The following TAFA2 variants were observed in gnomAD, a reference collection of about 807,000 sequenced individuals.
TAFA2 encodes the protein TAFA chemokine like family member 2.
Under a neutral mutation model 18.8 loss-of-function variants are expected in TAFA2, and 7 were observed. The observed-to-expected ratio is 0.37, with a 90% CI of 0.21 to 0.70. The LOEUF (loss-of-function observed/expected upper bound fraction) is 0.70, where lower values mean the gene tolerates loss of function less well. TAFA2 is among the 30% of genes least tolerant of loss of function. The pLI is 0.53. For synonymous variants in TAFA2, 60 were observed against 54.2 expected, an observed-to-expected ratio of 1.11 and a Z score of -0.47; for missense variants, 122 against 158.1, an observed-to-expected ratio of 0.77 and a Z score of 1.23.
Position 61,757,938 on chromosome 12 carries a change from G to A in TAFA2, c.107-2914C>T, listed in dbSNP as rs569751028. ...TCCTTCTAGTAACTACTTGATCTTG[G>A]TACGTTATCTATTATGCATGGGCAG... On this transcript the variant is annotated intron_variant, in intron 2 of 4. Coordinates refer to ENST00000416284, the MANE Select transcript of TAFA2 (RefSeq NM_178539.5). Among the ~76,000 whole-genome samples, 3 of 152,100 alleles carry A rather than the reference G, an allele frequency of 2.0e-5. No homozygotes were observed. The South Asian group carries it at 6.2e-4, about 32-fold the overall frequency.
chr12:62,164,481 C>T (rs1438223641), intron 1 of TAFA2, among the ~76,000 whole-genome samples: 1 of 152,028 alleles, frequency 6.6e-6, no homozygotes, highest in Admixed American at 6.6e-5. Flanking sequence ...TGCTACTTCC[C>T]GTGGGCATTT....
At chr12:61,793,461 A>T (rs1402455545) in intron 2 of TAFA2, among the ~76,000 whole-genome samples, 2 of 151,612 alleles carry the variant, frequency 1.3e-5, no homozygotes, top group Admixed American at 6.6e-5. Context: ...AAGGGAAAAA[A>T]TTAAAAAGTT....
chr12:61,908,551 G>T (rs149307016), intron 1 of TAFA2, among the ~76,000 whole-genome samples: 18 of 152,032 alleles, frequency 1.2e-4, no homozygotes, highest in African/African-American at 3.9e-4. Flanking sequence ...GCATGAGAAC[G>T]GACTAATACA....
intron 2 of TAFA2, among the ~76,000 whole-genome samples, chr12:61,826,669 G>A (rs999666978): frequency 6.6e-6 from 1 of 151,966 alleles, no homozygotes; most frequent in Non-Finnish European, 1.5e-5. Context: ...TAAATGCAAA[G>A]TGTAATCCTC....
intron 2 of TAFA2, among the ~76,000 whole-genome samples, chr12:61,863,689 C>T (rs145206895): frequency 7.8e-4 from 118 of 152,250 alleles, no homozygotes; most frequent in African/African-American, 2.6e-3. Flanking sequence ...TGCAGTAGAA[C>T]GTAGCTGCTG....
At chr12:61,915,956 A>C (rs1876805607) in intron 1 of TAFA2, among the ~76,000 whole-genome samples, 1 of 152,258 alleles carries the variant, frequency 6.6e-6, no homozygotes, top group African/African-American at 2.4e-5. Context: ...AGTGTGACAC[A>C]TAAAATCAAC....
intron 1 of TAFA2, among the ~76,000 whole-genome samples, chr12:62,181,265 T>C (rs543439503): frequency 6.6e-6 from 1 of 152,288 alleles, no homozygotes; most frequent in South Asian, 2.1e-4. Context: ...AGCTACACTC[T>C]ATCAATTTGT....
intron 4 of TAFA2, among the ~76,000 whole-genome samples, chr12:61,744,643 C>T (rs985792139): frequency 4.6e-5 from 7 of 152,054 alleles, no homozygotes; most frequent in Non-Finnish European, 8.8e-5. Flanking sequence ...CAGCCTCAAC[C>T]TCCTAGGATC....
At chr12:61,920,816 A>G (rs942177175) in intron 1 of TAFA2, among the ~76,000 whole-genome samples, 3 of 152,164 alleles carry the variant, frequency 2.0e-5, no homozygotes, top group South Asian at 2.1e-4. Flanking sequence ...AATAAACTAT[A>G]TAGAATATCA....
At chr12:61,902,989 C>T (rs929283323) in intron 1 of TAFA2, among the ~76,000 whole-genome samples, 2 of 152,106 alleles carry the variant, frequency 1.3e-5, no homozygotes, top group Non-Finnish European at 2.9e-5. Context: ...TTAAATCCAT[C>T]CGCTTTTTTA....
chr12:62,137,731 T>C (rs1388525207), intron 1 of TAFA2, among the ~76,000 whole-genome samples: 9 of 151,966 alleles, frequency 5.9e-5, no homozygotes, highest in African/African-American at 2.2e-4. Flanking sequence ...TCACTAGTCC[T>C]GCAGCTTCCT....
chr12:62,182,432 C>T (rs1179221121), intron 1 of TAFA2, among the ~76,000 whole-genome samples: 5 of 152,114 alleles, frequency 3.3e-5, no homozygotes, highest in African/African-American at 4.8e-5. Context: ...CCCACCTTTT[C>T]GAATGTGCAG....
chr12:61,735,879 A>T lies in TAFA2; in HGVS notation c.384+17743T>A, dbSNP rs1008666669. Among the ~76,000 whole-genome samples the T allele has an allele frequency of 1.2e-4, 18 of 151,982 alleles. 1 individual carries two copies. Among genetic ancestry groups the T allele is most frequent in the Admixed American group, 1.1e-3 (16 of 15,216 alleles). Reference sequence around the variant, plus strand: ...CAAAATTATTTGTGGAGTGATTGTGAGACTGGGGCCATAATCTTTCCAGAG... The same window carrying T: ...CAAAATTATTTGTGGAGTGATTGTGTGACTGGGGCCATAATCTTTCCAGAG... On this transcript the variant is annotated intron_variant, in intron 4 of 4. Transcript: ENST00000416284.
chr12:62,211,077 T>C (rs936341009), intron 1 of TAFA2, among the ~76,000 whole-genome samples: 1 of 152,190 alleles, frequency 6.6e-6, no homozygotes, highest in Admixed American at 6.5e-5. Context: ...TTAGGACTAG[T>C]GTTAGAACAC....
At chr12:62,119,650 T>C (rs1390700388) in intron 1 of TAFA2, among the ~76,000 whole-genome samples, 1 of 152,174 alleles carries the variant, frequency 6.6e-6, no homozygotes, top group Non-Finnish European at 1.5e-5. Flanking sequence ...CTGTACCTTA[T>C]AGATAAGTAG....
intron 2 of TAFA2, among the ~76,000 whole-genome samples, chr12:61,822,629 T>C (rs1174764027): frequency 1.3e-5 from 2 of 152,206 alleles, no homozygotes; most frequent in Non-Finnish European, 2.9e-5. Flanking sequence ...AATTATTTTT[T>C]TCCCATGGAT....
chr12:61,850,485 A>G (rs1345763768), intron 2 of TAFA2, among the ~76,000 whole-genome samples: 2 of 152,056 alleles, frequency 1.3e-5, no homozygotes, highest in Non-Finnish European at 2.9e-5. Context: ...TGAATTGTGC[A>G]TGATCAAAAA....
chr12:62,219,802 A>C (rs763227198), intron 1 of TAFA2, among the ~76,000 whole-genome samples: 10 of 152,124 alleles, frequency 6.6e-5, no homozygotes, highest in African/African-American at 2.4e-4. Flanking sequence ...TAGGTTGTTA[A>C]AGTAAAGAAA....
intron 4 of TAFA2, among the ~76,000 whole-genome samples, chr12:61,727,005 A>T (rs1036775132): frequency 6.6e-6 from 1 of 151,792 alleles, no homozygotes; most frequent in Admixed American, 6.6e-5. Flanking sequence ...TTTGTTTTTA[A>T]TTCTCTTTAT....
Sources: allele counts gnomAD v4.1 joint callset (sites outside exome capture counted in the v4.1 genomes callset), GRCh38; gene constraint gnomAD v4.1.1; transcripts MANE v1.5; gene names NCBI Gene and HGNC (gene_info 2026-07-23, HGNC 2026-07-21).